GRIK2: variants seen among roughly 807,000 people sequenced by gnomAD.
The protein encoded by GRIK2 is glutamate ionotropic receptor kainate type subunit 2.
Under a neutral mutation model 100.3 loss-of-function variants are expected in GRIK2, and 32 were observed. That is an observed-to-expected ratio of 0.32 (90% CI 0.24 to 0.43). The LOEUF (loss-of-function observed/expected upper bound fraction) is 0.43, where lower values mean the gene tolerates loss of function less well. Among genes scored for constraint, GRIK2 ranks in the 20% least tolerant of loss-of-function variants. The pLI, the probability that GRIK2 is intolerant of heterozygous loss-of-function variation, is 1.00. For synonymous variants in GRIK2, 417 were observed against 389.4 expected, an observed-to-expected ratio of 1.07 and a Z score of -0.83; for missense variants, 843 against 1,114.9, an observed-to-expected ratio of 0.76 and a Z score of 3.47.
chr6:101,944,219 A>G (rs961697379), intron 14 of GRIK2, among the ~76,000 whole-genome samples: 1 of 152,292 alleles, frequency 6.6e-6, no homozygotes, highest in Middle Eastern at 3.4e-3. Context: ...CTAGCCATGT[A>G]GAACTTTGAC....
chr6:101,893,707 TA>T (rs1413197257), intron 12 of GRIK2, among the ~76,000 whole-genome samples: 1 of 151,730 alleles, frequency 6.6e-6, no homozygotes, highest in Non-Finnish European at 1.5e-5. Flanking sequence ...TTAGATCCCA[TA>T]AAATATTAAA....
intron 2 of GRIK2, among the ~76,000 whole-genome samples, chr6:101,439,381 T>C (rs1414073391): frequency 6.6e-6 from 1 of 152,124 alleles, no homozygotes. Context: ...CCATGTAGTG[T>C]GTAATGAAGC....
intron 2 of GRIK2, among the ~76,000 whole-genome samples, chr6:101,534,217 C>T (rs1219381847): frequency 6.6e-6 from 1 of 151,704 alleles, no homozygotes; most frequent in Admixed American, 6.6e-5. Context: ...TGCAACTATG[C>T]ATCTCCTATT....
At chr6:102,007,659 A>T (rs1795310432) in intron 14 of GRIK2, among the ~76,000 whole-genome samples, 1 of 152,224 alleles carries the variant, frequency 6.6e-6, no homozygotes, top group Middle Eastern at 3.4e-3. Context: ...TGGAATCAAA[A>T]ATTTTCATAT....
intron 2 of GRIK2, among the ~76,000 whole-genome samples, chr6:101,440,883 CTTTTTTGTTTTTT>C (rs1480533068): frequency 7.6e-6 from 1 of 130,938 alleles, no homozygotes; most frequent in African/African-American, 2.9e-5. Flanking sequence ...GAAAGAAATG[CTTTTTTGTTTTTT>C]TTTTTTGTTT....
At chr6:101,517,592 A>G (rs973161438) in intron 2 of GRIK2, among the ~76,000 whole-genome samples, 2 of 152,166 alleles carry the variant, frequency 1.3e-5, no homozygotes, top group African/African-American at 2.4e-5. Flanking sequence ...AGCATTGCAC[A>G]AAAGGTCCCC....
At chr6:101,701,058 T>C (rs1772859312) in intron 7 of GRIK2, among the ~76,000 whole-genome samples, 1 of 152,084 alleles carries the variant, frequency 6.6e-6, no homozygotes, top group Admixed American at 6.6e-5. Context: ...GAGATGATGG[T>C]AATACCTTAA....
chr6:101,568,050 T>C (rs1777363705), intron 2 of GRIK2, among the ~76,000 whole-genome samples: 1 of 151,984 alleles, frequency 6.6e-6, no homozygotes, highest in African/African-American at 2.4e-5. Context: ...AAAATAATCT[T>C]GGGAGAATTG....
Position 101,560,739 on chromosome 6 carries a change from G to GA in GRIK2, c.116-61202dup, listed in dbSNP as rs936052742. On this transcript the variant is annotated intron_variant, in intron 2 of 16. Transcript: ENST00000369134. ...AAATTTTTTTTCCTTTCAAAGCAAA[G>GA]AAAAAAAACAAAATCATAAATGGAA... Among the ~76,000 whole-genome samples, 17 of 150,814 alleles carry GA rather than the reference G, an allele frequency of 1.1e-4. No homozygotes were observed. In the East Asian group the frequency reaches 2.9e-3, roughly 26 times the overall value.
At chr6:102,038,440 T>C (rs1482111310) in intron 15 of GRIK2, among the ~76,000 whole-genome samples, 1 of 150,942 alleles carries the variant, frequency 6.6e-6, no homozygotes, top group African/African-American at 2.4e-5. Flanking sequence ...TATCACTCTC[T>C]CCTGGTTTCC....
intron 12 of GRIK2, among the ~76,000 whole-genome samples, chr6:101,907,820 A>G (rs975714155): frequency 9.2e-5 from 14 of 151,676 alleles, no homozygotes; most frequent in African/African-American, 2.7e-4. Context: ...TCAGCTATGT[A>G]GTGTGTAGCA....
chr6:101,426,022 GA>G (rs1178161866), intron 2 of GRIK2, among the ~76,000 whole-genome samples: 58 of 152,142 alleles, frequency 3.8e-4, no homozygotes, highest in African/African-American at 1.3e-3. Flanking sequence ...AGGCATCTTT[GA>G]TTTCTCTTTT....
chr6:101,772,431 T>C (rs1469664636), intron 7 of GRIK2, among the ~76,000 whole-genome samples: 1 of 152,190 alleles, frequency 6.6e-6, no homozygotes, highest in East Asian at 1.9e-4. Context: ...CCACTGAAGA[T>C]GCCACTGAGT....
At chr6:101,560,043 T>C (rs1254282193) in intron 2 of GRIK2, among the ~76,000 whole-genome samples, 1 of 152,146 alleles carries the variant, frequency 6.6e-6, no homozygotes, top group African/African-American at 2.4e-5. Flanking sequence ...AGCAGAGGAA[T>C]AGGTCAGCTG....
intron 14 of GRIK2, among the ~76,000 whole-genome samples, chr6:102,023,440 G>T (rs1488277455): frequency 6.6e-6 from 1 of 151,494 alleles, no homozygotes; most frequent in African/African-American, 2.4e-5. Context: ...GTGGCTTGTA[G>T]GGTAACAAAC....
At chr6:101,586,244 AAAAT>A (rs1778355651) in intron 2 of GRIK2, among the ~76,000 whole-genome samples, 1 of 152,094 alleles carries the variant, frequency 6.6e-6, no homozygotes, top group Non-Finnish European at 1.5e-5. Flanking sequence ...CAGAGACTAA[AAAAT>A]AACTCAGAGA....
chr6:101,670,974 C>T (rs62421764), intron 4 of GRIK2, among the ~76,000 whole-genome samples: 2,433 of 152,216 alleles, frequency 0.016, 24 homozygotes, highest in Non-Finnish European at 0.023. Context: ...AGATTCAAAC[C>T]CAACACCCCA....
At chr6:101,722,041 GT>G (rs1158575755) in intron 7 of GRIK2, among the ~76,000 whole-genome samples, 2 of 152,076 alleles carry the variant, frequency 1.3e-5, no homozygotes, top group Admixed American at 1.3e-4. Flanking sequence ...GGGGGAAGGA[GT>G]AATGAAGTGA....
chr6:101,548,029 G>T (rs1776331689), intron 2 of GRIK2, among the ~76,000 whole-genome samples: 6 of 151,874 alleles, frequency 4.0e-5, no homozygotes, highest in Admixed American at 3.9e-4. Context: ...GTGTGAGATG[G>T]TATCTCATTG....
Sources: gnomAD v4.1 joint callset for allele counts (sites outside exome capture counted in the v4.1 genomes callset) on GRCh38, gnomAD v4.1.1 for gene constraint, MANE v1.5 for transcripts, NCBI Gene and HGNC (gene_info 2026-07-23, HGNC 2026-07-21) for gene names.